NDUFC2: variants seen among roughly 807,000 people sequenced by gnomAD.
NDUFC2 encodes the protein NADH:ubiquinone oxidoreductase subunit C2, also known as NADH dehydrogenase [ubiquinone] 1 subunit C2.
A neutral mutation model predicts 10.1 loss-of-function variants in NDUFC2; 2 were observed. That is an observed-to-expected ratio of 0.20 (90% confidence interval 0.08 to 0.62). NDUFC2 has a LOEUF of 0.62. Among genes scored for constraint, NDUFC2 ranks in the 20% least tolerant of loss-of-function variants. The pLI, the probability that NDUFC2 is intolerant of heterozygous loss-of-function variation, is 0.87. For missense variants in NDUFC2, 156 were observed against 159.6 expected, an observed-to-expected ratio of 0.98 and a Z score of 0.12; for synonymous variants, 61 against 63.6, an observed-to-expected ratio of 0.96 and a Z score of 0.20.
chr11:78,077,601 G>A (rs1333284528), intron 1 of NDUFC2, among the ~76,000 whole-genome samples: 1 of 152,112 alleles, frequency 6.6e-6, no homozygotes, highest in African/African-American at 2.4e-5. Flanking sequence ...TGTTGCCCAG[G>A]CTGGAGTGCA....
In NDUFC2 at chr11:78,069,905, CTTCAACTGTCATAAGAAACATG is replaced by C. The variant is rs1243111764; in HGVS notation, c.*60_*81del. 6.2e-7 allele frequency: 1 copy of C among 1,613,104 alleles called. No individual in the cohort carries two copies. Among genetic ancestry groups the C allele is most frequent in the Non-Finnish European group, 8.5e-7 (1 of 1,179,566 alleles). On this transcript the variant is annotated 3_prime_UTR_variant, in exon 3 of 3. Coordinates refer to ENST00000281031, the MANE Select transcript of NDUFC2 (RefSeq NM_004549.6). Reference sequence around the variant, plus strand: ...GTGTCAACATACAGATTAGCATAAGCTTCAACTGTCATAAGAAACATGTTCCATCAAATTCAGAAACAGCAGG... The same window carrying C: ...GTGTCAACATACAGATTAGCATAAGCTTCCATCAAATTCAGAAACAGCAGG...
intron 2 of NDUFC2, among the ~76,000 whole-genome samples, chr11:78,072,414 G>A (rs641686): frequency 0.4 from 60,585 of 152,090 alleles, 12,249 homozygotes; most frequent in Admixed American, 0.5. Flanking sequence ...CTGACCTCAG[G>A]TGATCTGCCC....
At chr11:78,071,180 A>G (rs1858988003) in intron 2 of NDUFC2, among the ~76,000 whole-genome samples, 2 of 152,180 alleles carry the variant, frequency 1.3e-5, no homozygotes, top group East Asian at 3.8e-4. Flanking sequence ...TTTTAGAGCT[A>G]AATAAGACCT....
In NDUFC2 at chr11:78,073,360, C is replaced by T. The variant is rs185089199; in HGVS notation, c.167-219G>A. On this transcript the variant is annotated intron_variant, in intron 1 of 2. Coordinates refer to ENST00000281031, the MANE Select transcript of NDUFC2 (RefSeq NM_004549.6). ...TACAAAATTTGGCTGGGGGTGGTGGCGGGTGCCTGTAGTCTCAGCTACTTG... is the reference window on the plus strand; with the variant it reads ...TACAAAATTTGGCTGGGGGTGGTGGTGGGTGCCTGTAGTCTCAGCTACTTG... Among the ~76,000 whole-genome samples the T allele has an allele frequency of 5.3e-5, 8 of 151,762 alleles. No individual in the cohort carries two copies. The East Asian group carries it at 1.4e-3, about 26-fold the overall frequency.
intron 2 of NDUFC2, among the ~76,000 whole-genome samples, chr11:78,072,349 T>A (rs562990842): frequency 6.6e-6 from 1 of 152,298 alleles, no homozygotes; most frequent in South Asian, 2.1e-4. Flanking sequence ...GGCTAATTTT[T>A]GTATTTCTAA....
intron 1 of NDUFC2, among the ~76,000 whole-genome samples, chr11:78,075,433 C>T (rs1417606811): frequency 2.6e-5 from 4 of 152,160 alleles, no homozygotes; most frequent in Non-Finnish European, 4.4e-5. Context: ...CAACATTACA[C>T]ATTGTATGCA....
chr11:78,073,203 CA>C, intron 1 of NDUFC2, 62 bp from the exon 2 acceptor site: 1 of 1,606,290 alleles, frequency 6.2e-7, no homozygotes, highest in Non-Finnish European at 8.5e-7. Flanking sequence ...TTAAGAGTTA[CA>C]TTTTTGGCTG....
chr11:78,076,153 T>G (rs548488793), intron 1 of NDUFC2, among the ~76,000 whole-genome samples: 80 of 152,308 alleles, frequency 5.3e-4, no homozygotes, highest in African/African-American at 1.8e-3. Context: ...ACTTTTTTTT[T>G]TTTTTAAAGA....
At chr11:78,072,903 T>A in intron 2 of NDUFC2, 95 bp downstream of exon 2, 2 of 1,499,820 alleles carry the variant, frequency 1.3e-6, no homozygotes, top group Non-Finnish European at 1.8e-6. Flanking sequence ...GTCAACAGAA[T>A]TTAGAAGGTA....
At chr11:78,073,334 A>G (rs10751280) in intron 1 of NDUFC2, among the ~76,000 whole-genome samples, 193 bp from the exon 2 acceptor site, 57,515 of 151,394 alleles carry the variant, frequency 0.38, 11,791 homozygotes, top group Non-Finnish European at 0.45. Context: ...TCTACTAAAA[A>G]TACAAAATTT....
At chr11:78,070,231 G>C (rs1458481488) in intron 2 of NDUFC2, among the ~76,000 whole-genome samples, 195 bp from the exon 3 acceptor site, 1 of 152,122 alleles carries the variant, frequency 6.6e-6, no homozygotes, top group Non-Finnish European at 1.5e-5. Context: ...ACTTTGGGAG[G>C]TGATTAGGTC....
chr11:78,073,762 G>GTTGCA (rs1423282065), intron 1 of NDUFC2, among the ~76,000 whole-genome samples: 1 of 131,480 alleles, frequency 7.6e-6, no homozygotes, highest in Non-Finnish European at 1.5e-5. Flanking sequence ...AGATCGCGCC[G>GTTGCA]TTGCACTCCA....
intron 2 of NDUFC2, among the ~76,000 whole-genome samples, chr11:78,072,029 C>T (rs1343258439): frequency 6.6e-6 from 1 of 152,064 alleles, no homozygotes; most frequent in African/African-American, 2.4e-5. Context: ...ATGAAGAACA[C>T]ACACATGTGT....
chr11:78,077,279 G>A (rs1276725461), intron 1 of NDUFC2, among the ~76,000 whole-genome samples: 3 of 150,494 alleles, frequency 2.0e-5, no homozygotes, highest in Non-Finnish European at 3.0e-5. Context: ...GTGACAGAGT[G>A]AGACCCTGTC....
At chr11:78,073,479 G>A (rs1348850548) in intron 1 of NDUFC2, among the ~76,000 whole-genome samples, 3 of 150,808 alleles carry the variant, frequency 2.0e-5, no homozygotes, top group South Asian at 2.1e-4. Context: ...GTGACAAAGC[G>A]CCTGGCCTGT....
chr11:78,074,675 CAT>C (rs1163362495), intron 1 of NDUFC2, among the ~76,000 whole-genome samples: 2 of 151,580 alleles, frequency 1.3e-5, no homozygotes, highest in Non-Finnish European at 2.9e-5. Flanking sequence ...TAAAACAAGA[CAT>C]ATGCATATAA....
Position 78,069,790 on chromosome 11 carries a change from G to A in NDUFC2, c.*197C>T, listed in dbSNP as rs1006901756. On this transcript the variant is annotated 3_prime_UTR_variant, in exon 3 of 3. Transcript: ENST00000281031. The stretch of plus-strand genomic sequence containing the variant: ...TCATCTTAAAATCTTTCAGATGGGT[G>A]AATGGAAACTGACCATTCTCTGATG... 2 of 1,270,966 alleles carry A rather than the reference G, an allele frequency of 1.6e-6. No individual in the cohort carries two copies. The highest frequency in any genetic ancestry group is 1.5e-5 in the African/African-American group (1 of 66,456). 78.7% of individuals were successfully genotyped at this position (1,270,966 alleles called of 1,614,324 possible).
At chr11:78,070,158 A>T in intron 2 of NDUFC2, 122 bp from the exon 3 acceptor site, 1 of 707,832 alleles carries the variant, frequency 1.4e-6, no homozygotes, top group South Asian at 1.9e-5. Flanking sequence ...CTGAATGTTC[A>T]TGTCCCCCCA....
chr11:78,072,353 T>C (rs939286557), intron 2 of NDUFC2, among the ~76,000 whole-genome samples: 5 of 152,170 alleles, frequency 3.3e-5, no homozygotes, highest in African/African-American at 1.2e-4. Context: ...AATTTTTGTA[T>C]TTCTAATAGA....
Sources: gnomAD v4.1 joint callset for allele counts (sites outside exome capture counted in the v4.1 genomes callset) on GRCh38, gnomAD v4.1.1 for gene constraint, MANE v1.5 for transcripts, NCBI Gene and HGNC (gene_info 2026-07-23, HGNC 2026-07-21) for gene names.